The following FSTL4 variants were observed in gnomAD, a reference collection of about 807,000 sequenced individuals.
The protein encoded by FSTL4 is follistatin-related protein 4.
Under a neutral mutation model 78.2 loss-of-function variants are expected in FSTL4, and 28 were observed. The observed-to-expected ratio is 0.36, with a 90% CI of 0.27 to 0.49. The LOEUF (loss-of-function observed/expected upper bound fraction) is 0.49. FSTL4 is among the 20% of genes least tolerant of loss of function. The pLI, the probability that FSTL4 is intolerant of heterozygous loss-of-function variation, is 0.98. For missense variants in FSTL4, 922 were observed against 1,084.9 expected (o/e 0.85, Z 2.11); for synonymous variants, 422 against 440.5 (o/e 0.96, Z 0.53).
intron 3 of FSTL4, among the ~76,000 whole-genome samples, chr5:133,539,517 T>C (rs552453925): frequency 6.6e-6 from 1 of 150,896 alleles, no homozygotes; most frequent in Non-Finnish European, 1.5e-5. Context: ...GGACAACTTC[T>C]ACAGATATTT....
chr5:133,383,729 G>A (rs904001926), intron 4 of FSTL4, among the ~76,000 whole-genome samples: 1 of 152,190 alleles, frequency 6.6e-6, no homozygotes, highest in Non-Finnish European at 1.5e-5. Flanking sequence ...GCTCCCCCAT[G>A]CTCCAGTCAC....
chr5:133,249,453 C>T lies in FSTL4; in HGVS notation c.851G>A (p.Arg284His), dbSNP rs773698170. ...GDLRPPIIWK[R>H]NGLTLNFLDL... ...CAGGAAGTTCAGGGTGAGCCCGTTGCGCTTCCAGATGATTGGTGGCCTCAG... is the reference window on the plus strand; with the variant it reads ...CAGGAAGTTCAGGGTGAGCCCGTTGTGCTTCCAGATGATTGGTGGCCTCAG... The change falls in exon 7 of 16, where the codon CGC (arginine) becomes CAC (histidine). Residue 284 changes from arginine to histidine, a missense_variant. By Grantham distance (29) the Arg-to-His change is conservative. Transcript: ENST00000265342. 104 of 1,613,898 alleles carry T rather than the reference C, an allele frequency of 6.4e-5. 1 individual carries two copies. Among genetic ancestry groups the T allele is most frequent in the South Asian group, 9.9e-5 (9 of 91,076 alleles).
intron 6 of FSTL4, among the ~76,000 whole-genome samples, chr5:133,263,405 A>G (rs927234335): frequency 3.3e-5 from 5 of 152,088 alleles, no homozygotes; most frequent in African/African-American, 1.2e-4. Flanking sequence ...GGGACCCCCA[A>G]TGTTTAAAGG....
At chr5:133,234,400 G>A (rs927769054) in intron 7 of FSTL4, among the ~76,000 whole-genome samples, 14 of 152,172 alleles carry the variant, frequency 9.2e-5, no homozygotes, top group African/African-American at 3.4e-4. Context: ...GAGGAGGGAT[G>A]GGCAGGAGGG....
At chr5:133,341,377 T>C (rs879324655) in intron 4 of FSTL4, among the ~76,000 whole-genome samples, 3 of 152,010 alleles carry the variant, frequency 2.0e-5, no homozygotes, top group South Asian at 2.1e-4. Flanking sequence ...AACCATGAGG[T>C]GGCTTCCCAC....
At chr5:133,467,515 C>G (rs1242388894) in intron 3 of FSTL4, among the ~76,000 whole-genome samples, 1 of 152,168 alleles carries the variant, frequency 6.6e-6, no homozygotes, top group African/African-American at 2.4e-5. Flanking sequence ...TTGGGCCGCC[C>G]CTACTGCGAC....
chr5:133,789,784 T>C, the FSTL4 span, among the ~76,000 whole-genome samples: 2 of 152,212 alleles, frequency 1.3e-5, no homozygotes, highest in South Asian at 2.1e-4. Context: ...TGTCCTCATA[T>C]GTTGGGGTGG....
chr5:133,552,798 A>G (rs1561466766), intron 3 of FSTL4, among the ~76,000 whole-genome samples: 1 of 152,166 alleles, frequency 6.6e-6, no homozygotes, highest in Non-Finnish European at 1.5e-5. Flanking sequence ...GATGTGGCTC[A>G]ACGAAAGTTC....
At chr5:133,652,621 A>G in the FSTL4 span, among the ~76,000 whole-genome samples, 1 of 152,322 alleles carries the variant, frequency 6.6e-6, no homozygotes, top group East Asian at 1.9e-4. Flanking sequence ...GTCTGAGAGC[A>G]GACATTGTAT....
chr5:133,388,428 C>T lies in FSTL4; in HGVS notation c.409+12310G>A, dbSNP rs780916548. 4 of 151,974 alleles carry T rather than the reference C, an allele frequency of 2.6e-5. No homozygotes were observed. In the East Asian group the frequency reaches 5.8e-4, roughly 22 times the overall value. The allele number at this position is 151,974 out of a possible 1,614,324, so 9.4% of individuals were successfully genotyped here. On this transcript the variant is annotated intron_variant, in intron 4 of 15. Coordinates refer to ENST00000265342, the MANE Select transcript of FSTL4 (RefSeq NM_015082.2). Reference sequence around the variant, plus strand: ...TCATTGCCTTCTTGCTTCTTAATATCGCAGAAAAGTCCAAGAACAGAATGT... The same window carrying T: ...TCATTGCCTTCTTGCTTCTTAATATTGCAGAAAAGTCCAAGAACAGAATGT...
chr5:133,784,696 C>A, the FSTL4 span, among the ~76,000 whole-genome samples: 1 of 148,854 alleles, frequency 6.7e-6, no homozygotes, highest in African/African-American at 2.5e-5. Flanking sequence ...AGCAGTAGGG[C>A]AGAATTAAGT....
the FSTL4 span, among the ~76,000 whole-genome samples, chr5:133,700,409 A>T: frequency 6.6e-6 from 1 of 151,598 alleles, no homozygotes; most frequent in African/African-American, 2.4e-5. Context: ...CATCAGACCA[A>T]AGCACCACAC....
chr5:133,549,785 A>G (rs1759656432), intron 3 of FSTL4, among the ~76,000 whole-genome samples: 1 of 152,178 alleles, frequency 6.6e-6, no homozygotes. Context: ...TATGAATTCT[A>G]CTGAAAGCTT....
intron 4 of FSTL4, among the ~76,000 whole-genome samples, chr5:133,320,088 G>T (rs1754009782): frequency 6.6e-6 from 1 of 152,070 alleles, no homozygotes; most frequent in South Asian, 2.1e-4. Flanking sequence ...TTCACTCCCT[G>T]CCTTTGTCAT....
the FSTL4 span, among the ~76,000 whole-genome samples, chr5:133,738,723 C>A: frequency 3.3e-5 from 5 of 152,232 alleles, no homozygotes; most frequent in African/African-American, 9.6e-5. Context: ...TCAGGTGGGG[C>A]TGAGAGATGA....
chr5:133,358,632 G>A (rs989501161), intron 4 of FSTL4, among the ~76,000 whole-genome samples: 3 of 125,240 alleles, frequency 2.4e-5, no homozygotes, highest in Non-Finnish European at 4.7e-5. Context: ...GTCTCACTCT[G>A]TCGCCCAGGC....
At position 133,364,449 on chromosome 5, in the gene FSTL4, C is replaced by G. The variant is rs78830423; in HGVS notation, c.409+36289G>C. Among the ~76,000 whole-genome samples the G allele has an allele frequency of 6.1e-3, 933 of 152,318 alleles. 4 individuals carry two copies. Among genetic ancestry groups the G allele is most frequent in the South Asian group, 0.01 (50 of 4,830 alleles). On this transcript the variant is annotated intron_variant, in intron 4 of 15. Transcript: ENST00000265342. ...AGGAATTGGCAGGGGCTGCCCCATG[C>G]CAGGGGCCTCTTACACCTGCTGAGC...
chr5:133,709,086 A>T, the FSTL4 span, among the ~76,000 whole-genome samples: 14 of 152,378 alleles, frequency 9.2e-5, no homozygotes, highest in African/African-American at 3.1e-4. Context: ...TTTTATACAC[A>T]AAATTGTAGA....
chr5:133,487,255 G>C (rs994024190), intron 3 of FSTL4, among the ~76,000 whole-genome samples: 2 of 152,184 alleles, frequency 1.3e-5, no homozygotes, highest in Non-Finnish European at 2.9e-5. Context: ...CACTTGGCAC[G>C]TGGCTCTGCA....
Sources: gnomAD v4.1 joint callset for allele counts (sites outside exome capture counted in the v4.1 genomes callset) on GRCh38, gnomAD v4.1.1 for gene constraint, MANE v1.5 for transcripts, NCBI Gene and HGNC (gene_info 2026-07-23, HGNC 2026-07-21) for gene names.